CERS6: variants seen among roughly 807,000 people sequenced by gnomAD.
CERS6 encodes the protein LAG1 homolog, ceramide synthase 6.
Under a neutral mutation model 56.8 loss-of-function variants are expected in CERS6, and 26 were observed. The observed-to-expected ratio is 0.46, with a 90% confidence interval of 0.34 to 0.63. The LOEUF is 0.63. Among genes scored for constraint, CERS6 ranks in the 30% least tolerant of loss-of-function variants. CERS6 has a pLI of 0.01. For synonymous variants in CERS6, 164 were observed against 173.3 expected (o/e 0.95, Z 0.42); for missense variants, 415 against 467.5 (o/e 0.89, Z 1.04).
chr2:168,736,889 C>T (rs1439078131), intron 8 of CERS6, among the ~76,000 whole-genome samples: 1 of 152,186 alleles, frequency 6.6e-6, no homozygotes, highest in Non-Finnish European at 1.5e-5. Context: ...CATGCTACCT[C>T]GCCCTCACAG....
At chr2:168,727,421 C>T (rs1683382398) in intron 8 of CERS6, among the ~76,000 whole-genome samples, 3 of 151,850 alleles carry the variant, frequency 2.0e-5, no homozygotes, top group Admixed American at 2.0e-4. Context: ...TGGTGGCATG[C>T]GCCTGTAGTC....
intron 4 of CERS6, among the ~76,000 whole-genome samples, chr2:168,639,604 T>A (rs1389146928): frequency 6.6e-6 from 1 of 152,148 alleles, no homozygotes; most frequent in African/African-American, 2.4e-5. Flanking sequence ...TAATGAGATG[T>A]TCTACTTCTG....
chr2:168,557,322 TA>T (rs1179245883), intron 2 of CERS6, among the ~76,000 whole-genome samples: 4 of 152,098 alleles, frequency 2.6e-5, no homozygotes, highest in Non-Finnish European at 4.4e-5. Context: ...ACAAATTAAA[TA>T]AAGATGTTAA....
At chr2:168,519,782 G>T (rs1329811814) in intron 1 of CERS6, among the ~76,000 whole-genome samples, 1 of 152,138 alleles carries the variant, frequency 6.6e-6, no homozygotes, top group African/African-American at 2.4e-5. Flanking sequence ...AAAAGTAATT[G>T]TGGATTTTGC....
chr2:168,684,250 AG>A (rs752000517), intron 4 of CERS6, among the ~76,000 whole-genome samples: 12 of 152,078 alleles, frequency 7.9e-5, no homozygotes, highest in Admixed American at 1.3e-4. Flanking sequence ...GCCTCTAGGG[AG>A]GGGTTACTGC....
intron 1 of CERS6, among the ~76,000 whole-genome samples, chr2:168,500,573 A>G (rs1694561535): frequency 6.6e-6 from 1 of 152,198 alleles, no homozygotes. Context: ...TATTTCATAT[A>G]TTGGGTTAGG....
At chr2:168,751,239 G>A (rs1222199696) in intron 8 of CERS6, among the ~76,000 whole-genome samples, 4 of 152,208 alleles carry the variant, frequency 2.6e-5, no homozygotes, top group Non-Finnish European at 4.4e-5. Flanking sequence ...GTGCCAATGA[G>A]TTGATCACCT....
At chr2:168,750,366 AAAATT>A (rs541179501) in intron 8 of CERS6, among the ~76,000 whole-genome samples, 43 of 152,364 alleles carry the variant, frequency 2.8e-4, no homozygotes, top group Admixed American at 2.5e-3. Flanking sequence ...ATTTTGTAGA[AAAATT>A]AAAACCACAA....
intron 8 of CERS6, among the ~76,000 whole-genome samples, chr2:168,764,570 T>C (rs1218849360): frequency 2.0e-5 from 3 of 152,150 alleles, no homozygotes; most frequent in Admixed American, 6.5e-5. Flanking sequence ...AAGGACCCTC[T>C]AATGACTCTC....
At chr2:168,718,300 T>G (rs545393679) in intron 8 of CERS6, among the ~76,000 whole-genome samples, 1 of 152,284 alleles carries the variant, frequency 6.6e-6, no homozygotes, top group South Asian at 2.1e-4. Context: ...GAAACCGTGG[T>G]GTTGCAAACA....
At chr2:168,469,255 A>G (rs1693935536) in intron 1 of CERS6, among the ~76,000 whole-genome samples, 1 of 152,204 alleles carries the variant, frequency 6.6e-6, no homozygotes, top group African/African-American at 2.4e-5. Context: ...GCTTTCAACT[A>G]TAGGCACTTT....
intron 6 of CERS6, among the ~76,000 whole-genome samples, chr2:168,712,931 T>TC (rs1687129850): frequency 6.6e-6 from 1 of 152,078 alleles, no homozygotes; most frequent in Admixed American, 6.6e-5. Flanking sequence ...ATAGTCTATC[T>TC]CCCCCAGCAA....
intron 1 of CERS6, among the ~76,000 whole-genome samples, chr2:168,493,610 A>G (rs968125112): frequency 1.3e-5 from 2 of 152,170 alleles, no homozygotes; most frequent in Admixed American, 6.5e-5. Flanking sequence ...AGCAGACCAT[A>G]TTAACAATGT....
chr2:168,704,361 T>C (rs1179310420), intron 6 of CERS6, among the ~76,000 whole-genome samples: 1 of 151,896 alleles, frequency 6.6e-6, no homozygotes, highest in Non-Finnish European at 1.5e-5. Flanking sequence ...TCTCAGGAGG[T>C]CTTGGTGGCC....
intron 4 of CERS6, among the ~76,000 whole-genome samples, chr2:168,669,204 T>C (rs1685846206): frequency 6.6e-6 from 1 of 152,256 alleles, no homozygotes; most frequent in African/African-American, 2.4e-5. Flanking sequence ...ACAGCTTCTA[T>C]CTTCCAGATT....
chr2:168,683,377 G>A (rs923379234), intron 4 of CERS6, among the ~76,000 whole-genome samples: 1 of 152,122 alleles, frequency 6.6e-6, no homozygotes, highest in African/African-American at 2.4e-5. Flanking sequence ...TTTGTTTGAT[G>A]TGTTGCCTGT....
chr2:168,576,751 C>CAT (rs1170970742), intron 3 of CERS6, among the ~76,000 whole-genome samples: 1 of 152,200 alleles, frequency 6.6e-6, no homozygotes, highest in Non-Finnish European at 1.5e-5. Context: ...CACATACATA[C>CAT]ATACATACAC....
chr2:168,527,890 T>C (rs1474820899), intron 1 of CERS6, among the ~76,000 whole-genome samples: 1 of 152,028 alleles, frequency 6.6e-6, no homozygotes, highest in African/African-American at 2.4e-5. Context: ...CAGGCTAATT[T>C]TTGCATTTTT....
intron 4 of CERS6, among the ~76,000 whole-genome samples, chr2:168,656,673 A>G (rs1685478906): frequency 6.6e-6 from 1 of 152,182 alleles, no homozygotes; most frequent in Admixed American, 6.5e-5. Flanking sequence ...GTGGACCCAA[A>G]GAGTGAGCAG....
Sources: allele counts gnomAD v4.1 joint callset (sites outside exome capture counted in the v4.1 genomes callset), GRCh38; gene constraint gnomAD v4.1.1; transcripts MANE v1.5; gene names NCBI Gene and HGNC (gene_info 2026-07-23, HGNC 2026-07-21).